PCDHA1: variants seen among roughly 807,000 people sequenced by gnomAD.
The protein encoded by PCDHA1 is protocadherin alpha 1.
Under a neutral mutation model 61.3 loss-of-function variants are expected in PCDHA1, and 42 were observed. The ratio of observed to expected loss-of-function variants is 0.69; its 90% CI spans 0.54 to 0.89. The LOEUF (loss-of-function observed/expected upper bound fraction) is 0.89, where lower values mean the gene tolerates loss of function less well. PCDHA1 is among the 40% of genes least tolerant of loss of function. PCDHA1 has a pLI of 0.00. For missense variants in PCDHA1, 1,256 were observed against 1,235.3 expected, an observed-to-expected ratio of 1.02 and a Z score of -0.25; for synonymous variants, 610 against 553.8, an observed-to-expected ratio of 1.10 and a Z score of -1.43.
At chr5:140,877,080 C>T in intron 1 of PCDHA1, 2 of 1,613,062 alleles carry the variant, frequency 1.2e-6, no homozygotes, top group East Asian at 2.2e-5. Context: ...TCCAGGTGAG[C>T]GCGCGCGACG....
In PCDHA1 at chr5:140,882,915, A is replaced by G. The variant is rs374032403; in HGVS notation, c.2394+94231A>G. The G allele has an allele frequency of 9.7e-5, 156 of 1,614,110 alleles. No individual in the cohort carries two copies. Among genetic ancestry groups the G allele is most frequent in the Non-Finnish European group, 1.2e-4 (140 of 1,180,046 alleles). ...CATAGTTTATTACTGACAGCCAGTG[A>G]TGGAGGTAAACCCGAGCTGACTGGC... is the stretch of plus-strand genomic sequence containing the variant. On this transcript the variant is annotated intron_variant, in intron 1 of 3. Transcript: ENST00000504120.
Position 140,787,187 on chromosome 5 carries a change from A to G in PCDHA1, c.897A>G (p.Ser299=), listed in dbSNP as rs782162033. 10 of 1,613,860 alleles carry G rather than the reference A, an allele frequency of 6.2e-6. No individual in the cohort carries two copies. Among genetic ancestry groups the G allele is most frequent in the Non-Finnish European group, 6.8e-6 (8 of 1,179,958 alleles). The change falls in exon 1 of 4, where the codon TCA becomes TCG. Residue 299 remains serine (S), a synonymous_variant. Transcript: ENST00000504120. ...IQEKFKVDSS[S]GEIRLIDKLD... ...AAAAATTCAAAGTTGATTCCAGCTCAGGAGAAATTAGGTTAATTGATAAAC... is the reference window on the plus strand; with the variant it reads ...AAAAATTCAAAGTTGATTCCAGCTCGGGAGAAATTAGGTTAATTGATAAAC...
chr5:141,000,417 A>ATTTT (rs1563652061), intron 3 of PCDHA1, among the ~76,000 whole-genome samples: 4 of 77,746 alleles, frequency 5.1e-5, no homozygotes, highest in African/African-American at 1.1e-4. Flanking sequence ...ATATATATAT[A>ATTTT]TATATTTTTT....
chr5:140,844,476 CTA>C (rs2150371659), intron 1 of PCDHA1, among the ~76,000 whole-genome samples: 3,169 of 149,252 alleles, frequency 0.021, 219 homozygotes, highest in African/African-American at 0.04. Context: ...TTTTGAGCCT[CTA>C]TGTTTAGGAA....
At chr5:140,967,671 A>G in intron 1 of PCDHA1, 1 of 1,614,130 alleles carries the variant, frequency 6.2e-7, no homozygotes, top group Non-Finnish European at 8.5e-7. Context: ...TACACGTCGG[A>G]CCGGGAGAGG....
chr5:140,878,252 C>T (rs1250494755), intron 1 of PCDHA1, among the ~76,000 whole-genome samples: 26 of 152,184 alleles, frequency 1.7e-4, no homozygotes, highest in African/African-American at 3.1e-4. Context: ...CTCTTCCTCA[C>T]GTGCTTAGGC....
chr5:140,802,443 G>C, intron 1 of PCDHA1: 1 of 1,614,224 alleles, frequency 6.2e-7, no homozygotes, highest in Non-Finnish European at 8.5e-7. Context: ...TCTGGACCGC[G>C]AGAGCGTGTC....
At chr5:140,828,193 C>T in intron 1 of PCDHA1, 1 of 1,614,094 alleles carries the variant, frequency 6.2e-7, no homozygotes, top group South Asian at 1.1e-5. Context: ...TCCACTACTC[C>T]GTACCCGAGG....
chr5:140,799,711 A>C (rs2149939456), intron 1 of PCDHA1, among the ~76,000 whole-genome samples: 1 of 152,264 alleles, frequency 6.6e-6, no homozygotes, highest in Middle Eastern at 3.4e-3. Context: ...AATCTGAGTA[A>C]GTTGCAGTCC....
At chr5:140,808,977 T>C (rs1554124934) in intron 1 of PCDHA1, 2 of 1,613,568 alleles carry the variant, frequency 1.2e-6, no homozygotes, top group South Asian at 2.2e-5. Flanking sequence ...GTGCGCGCGG[T>C]GGATGCTGAC....
chr5:140,795,193 G>C, intron 1 of PCDHA1: 1 of 1,614,180 alleles, frequency 6.2e-7, no homozygotes. Context: ...CCTTCTGGAG[G>C]TAAATCTGCA....
At chr5:140,945,190 G>A (rs1372387920) in intron 1 of PCDHA1, among the ~76,000 whole-genome samples, 1 of 152,000 alleles carries the variant, frequency 6.6e-6, no homozygotes, top group Non-Finnish European at 1.5e-5. Flanking sequence ...AGAAAACCAT[G>A]CTATTTACAA....
At chr5:140,966,712 T>C (rs2153748592) in intron 1 of PCDHA1, 2 of 1,392,090 alleles carry the variant, frequency 1.4e-6, no homozygotes, top group Middle Eastern at 2.7e-4. Flanking sequence ...GGGGCACGGC[T>C]GGGGAAGCTG....
At chr5:140,843,766 G>T (rs1303909479) in intron 1 of PCDHA1, 4 of 1,487,952 alleles carry the variant, frequency 2.7e-6, no homozygotes, top group Non-Finnish European at 3.7e-6. Context: ...GGAAATTGTA[G>T]TTACTTTAAA....
intron 1 of PCDHA1, among the ~76,000 whole-genome samples, chr5:140,847,056 A>T (rs1554141637): frequency 6.7e-6 from 1 of 149,850 alleles, no homozygotes; most frequent in South Asian, 2.1e-4. Flanking sequence ...GAAGACACAG[A>T]AAGCATCAAT....
intron 1 of PCDHA1, among the ~76,000 whole-genome samples, chr5:140,890,477 C>T (rs1255992157): frequency 2.0e-5 from 3 of 151,926 alleles, no homozygotes; most frequent in African/African-American, 7.3e-5. Flanking sequence ...ATTTTTTGTG[C>T]GTTATTTTTG....
chr5:140,958,162 C>A lies in PCDHA1; in HGVS notation c.2395-20787C>A, dbSNP rs574337485. Among the ~76,000 whole-genome samples the A allele has an allele frequency of 1.1e-4, 16 of 152,028 alleles. No homozygotes were observed. The South Asian group carries it at 3.3e-3, about 32-fold the overall frequency. Reference sequence around the variant, plus strand: ...ATATTTATATAGCATAGTCAAAAGCCTGGAGTGATATAAATTTTCTGTTAC... The same window carrying A: ...ATATTTATATAGCATAGTCAAAAGCATGGAGTGATATAAATTTTCTGTTAC... On this transcript the variant is annotated intron_variant, in intron 1 of 3. Coordinates refer to ENST00000504120, the MANE Select transcript of PCDHA1 (RefSeq NM_018900.4).
rs3733712 is a variant in PCDHA1, at chr5:140,787,635, A to C, written c.1345A>C (p.Asn449His). ...ARVSVEVADV[N>H]DNAPAFAQPE... ...GGTGTCCGTGGAGGTGGCCGACGTGAATGACAACGCGCCTGCGTTCGCGCA... is the reference window on the plus strand; with the variant it reads ...GGTGTCCGTGGAGGTGGCCGACGTGCATGACAACGCGCCTGCGTTCGCGCA... Residue 449 changes from asparagine to histidine, a missense_variant, in exon 1 of 4, where the codon AAT (asparagine) becomes CAT (histidine). Physicochemically the swap from Asn to His is moderately conservative, Grantham distance 68. Coordinates refer to ENST00000504120, the MANE Select transcript of PCDHA1 (RefSeq NM_018900.4). 8,570 of 1,613,992 alleles carry C rather than the reference A, an allele frequency of 5.3e-3. 28 individuals are homozygous for C. Among genetic ancestry groups the C allele is most frequent in the East Asian group, 0.011 (510 of 44,864 alleles).
At chr5:140,813,383 C>T (rs1488394343) in intron 1 of PCDHA1, 1 of 152,164 alleles carries the variant, frequency 6.6e-6, no homozygotes, top group African/African-American at 2.4e-5. Context: ...GTTACATGAT[C>T]TATTGCTTCT....
Sources: gnomAD v4.1 joint callset for allele counts (sites outside exome capture counted in the v4.1 genomes callset) on GRCh38, gnomAD v4.1.1 for gene constraint, MANE v1.5 for transcripts, NCBI Gene and HGNC (gene_info 2026-07-23, HGNC 2026-07-21) for gene names.